KDM6A: variants seen among roughly 807,000 people sequenced by gnomAD.
The protein encoded by KDM6A is lysine demethylase 6A.
In KDM6A, 11 loss-of-function variants were observed where a neutral mutation model predicts 117.6. That is an observed-to-expected ratio of 0.09 (90% CI 0.06 to 0.15). KDM6A has a LOEUF of 0.15. KDM6A is among the 10% of genes least tolerant of loss of function. KDM6A has a pLI of 1.00. For synonymous variants in KDM6A, 384 were observed against 396.1 expected (o/e 0.97, Z 0.36); for missense variants, 799 against 1,077.3 (o/e 0.74, Z 3.62).
chrX:44,951,554 T>C (rs906066532), intron 2 of KDM6A, among the ~76,000 whole-genome samples: 3 of 111,324 alleles, frequency 2.7e-5, no homozygotes, highest in African/African-American at 6.5e-5. Flanking sequence ...TTTTTTGTTA[T>C]AGTGATGATT....
intron 2 of KDM6A, among the ~76,000 whole-genome samples, chrX:44,907,168 T>A (rs2034730342): frequency 8.9e-6 from 1 of 112,598 alleles, no homozygotes; most frequent in Non-Finnish European, 1.9e-5. Context: ...CGTGTACTTT[T>A]TTTGAGGCAT....
chrX:44,877,732 T>G (rs1206630479), intron 2 of KDM6A, among the ~76,000 whole-genome samples: 1 of 111,107 alleles, frequency 9.0e-6, no homozygotes, highest in East Asian at 2.8e-4. Context: ...ATCTTATTTT[T>G]AAGTTTTTCT....
In KDM6A at chrX:45,034,928, C is replaced by T. The variant is rs2147776343; in HGVS notation, c.565-3C>T. 8.3e-7 allele frequency: 1 copy of T among 1,203,885 alleles called. No homozygotes were observed. Among genetic ancestry groups the T allele is most frequent in the Non-Finnish European group, 1.1e-6 (1 of 888,331 alleles). ...CATTAATTTTCTCACTCTCGTCTTGCAGCATTTTCAGTTAGCTTTGGTTGA... is the reference window on the plus strand; with the variant it reads ...CATTAATTTTCTCACTCTCGTCTTGTAGCATTTTCAGTTAGCTTTGGTTGA... On this transcript the variant is annotated splice_region_variant and splice_polypyrimidine_tract_variant and intron_variant, in intron 6 of 29. Coordinates refer to ENST00000611820, the MANE Select transcript of KDM6A (RefSeq NM_001291415.2).
At chrX:45,093,414 G>A (rs2045975791) in intron 27 of KDM6A, among the ~76,000 whole-genome samples, 1 of 109,020 alleles carries the variant, frequency 9.2e-6, no homozygotes, top group South Asian at 4.0e-4. Flanking sequence ...AAAAAAAACG[G>A]ATCTAATTGC....
chrX:44,953,800 A>T (rs191507369), intron 2 of KDM6A, among the ~76,000 whole-genome samples: 1 of 111,661 alleles, frequency 9.0e-6, no homozygotes, highest in Non-Finnish European at 1.9e-5. Flanking sequence ...AGAATCAGCA[A>T]TACTTTATGC....
intron 27 of KDM6A, among the ~76,000 whole-genome samples, chrX:45,096,046 A>G (rs899888058): frequency 1.3e-4 from 15 of 111,310 alleles, no homozygotes; most frequent in Non-Finnish European, 2.6e-4. Flanking sequence ...TTTCCTTTGA[A>G]TCATCTTTTA....
intron 27 of KDM6A, among the ~76,000 whole-genome samples, chrX:45,100,680 A>T (rs923967392): frequency 8.1e-5 from 9 of 111,046 alleles, no homozygotes; most frequent in African/African-American, 2.6e-4. Flanking sequence ...TAAAAATGCT[A>T]ATAACATATA....
At chrX:45,047,372 C>CTTTTTTT (rs551917538) in intron 8 of KDM6A, among the ~76,000 whole-genome samples, 1 of 87,647 alleles carries the variant, frequency 1.1e-5, no homozygotes, top group Non-Finnish European at 2.4e-5. Context: ...TAGATGCTTT[C>CTTTTTTT]TTTTTTTTTT....
intron 2 of KDM6A, among the ~76,000 whole-genome samples, chrX:44,922,292 G>A (rs1259489656): frequency 4.7e-5 from 5 of 107,510 alleles, no homozygotes; most frequent in Non-Finnish European, 7.7e-5. Context: ...GACCTCAGGC[G>A]ATCTACTTGC....
chrX:45,043,285 G>A (rs1444058976), intron 8 of KDM6A, among the ~76,000 whole-genome samples: 2 of 110,049 alleles, frequency 1.8e-5, no homozygotes, highest in African/African-American at 3.3e-5. Flanking sequence ...GCGAGACCCC[G>A]TCTCAAACAA....
chrX:44,886,937 C>CTTT (rs757868291), intron 2 of KDM6A, among the ~76,000 whole-genome samples: 2 of 97,085 alleles, frequency 2.1e-5, no homozygotes, highest in Admixed American at 1.1e-4. Context: ...AGATGAATAT[C>CTTT]TTTTTTTTTT....
intron 4 of KDM6A, 79 bp downstream of exon 4, chrX:44,974,794 C>T: frequency 1.4e-6 from 1 of 736,505 alleles, no homozygotes; most frequent in East Asian, 3.2e-5. Context: ...ATTAATTGAG[C>T]TCTTGCTTTT....
intron 2 of KDM6A, among the ~76,000 whole-genome samples, chrX:44,888,096 G>A (rs190968460): frequency 8.1e-5 from 9 of 111,272 alleles, no homozygotes; most frequent in African/African-American, 2.9e-4. Context: ...CATGAGGTTG[G>A]GAGTTCAAGA....
chrX:44,874,054 C>A, intron 2 of KDM6A, 67 bp downstream of exon 2: 1 of 1,050,763 alleles, frequency 9.5e-7, no homozygotes, highest in African/African-American at 1.8e-5. Context: ...GCCCCGGGCC[C>A]CGCGGCCGGG....
intron 4 of KDM6A, among the ~76,000 whole-genome samples, chrX:44,995,993 A>G (rs1311529381): frequency 1.8e-5 from 2 of 111,684 alleles, no homozygotes; most frequent in African/African-American, 6.5e-5. Context: ...TGCTTTCTCC[A>G]TTTTACAAAG....
rs1400321838 is a variant in KDM6A, at chrX:44,873,207, G to A, written c.-345G>A. The A allele has an allele frequency of 2.3e-5, 6 of 260,821 alleles. No individual in the cohort carries two copies. Among genetic ancestry groups the A allele is most frequent in the Non-Finnish European group, 4.0e-5 (6 of 150,145 alleles). The allele number at this position is 260,821 out of a possible 1,213,427, so 21.5% of individuals were successfully genotyped here. On this transcript the variant is annotated 5_prime_UTR_variant, in exon 1 of 30. Coordinates refer to ENST00000611820, the MANE Select transcript of KDM6A (RefSeq NM_001291415.2). ...ACAATTACAACAACTTTGTGCTGGT[G>A]CCGGGGAAGTTTGTGTCTCCAACGA...
At chrX:44,967,694 T>C (rs942933612) in intron 3 of KDM6A, among the ~76,000 whole-genome samples, 1 of 112,349 alleles carries the variant, frequency 8.9e-6, no homozygotes, top group South Asian at 3.6e-4. Flanking sequence ...TTTCTTACCC[T>C]TAATTGTCAT....
intron 2 of KDM6A, among the ~76,000 whole-genome samples, chrX:44,943,421 T>TG (rs1162816522): frequency 8.9e-6 from 1 of 112,287 alleles, no homozygotes; most frequent in Non-Finnish European, 1.9e-5. Flanking sequence ...AAACTGGTGC[T>TG]GATAGACTTG....
intron 2 of KDM6A, among the ~76,000 whole-genome samples, chrX:44,933,013 G>A (rs1300221458): frequency 3.8e-5 from 4 of 104,334 alleles, no homozygotes; most frequent in African/African-American, 7.0e-5. Flanking sequence ...TCAGCCTCCC[G>A]AGTAGCTGGG....
Sources: allele counts gnomAD v4.1 joint callset (sites outside exome capture counted in the v4.1 genomes callset), GRCh38; gene constraint gnomAD v4.1.1; transcripts MANE v1.5; gene names NCBI Gene and HGNC (gene_info 2026-07-23, HGNC 2026-07-21).